The following AGAP1 variants were observed in gnomAD, a reference collection of about 807,000 sequenced individuals.
AGAP1 encodes ArfGAP with GTPase domain, ankyrin repeat and PH domain 1, also known as arf-GAP with GTPase, ANK repeat and PH domain-containing protein 1.
A neutral mutation model predicts 105.3 loss-of-function variants in AGAP1; 29 were observed. That is an observed-to-expected ratio of 0.28 (90% CI 0.21 to 0.38). The LOEUF is 0.38. Ranked by LOEUF, AGAP1 falls within the 10% of genes least tolerant of loss-of-function variation. The pLI is 1.00. For synonymous variants in AGAP1, 509 were observed against 485.9 expected (o/e 1.05, Z -0.63); for missense variants, 998 against 1,165.1 (o/e 0.86, Z 2.09).
At chr2:235,795,608 A>T (rs1021255186) in intron 6 of AGAP1, among the ~76,000 whole-genome samples, 4 of 152,110 alleles carry the variant, frequency 2.6e-5, no homozygotes, top group African/African-American at 9.7e-5. Flanking sequence ...TCTTTCCTTG[A>T]TTTGTGTATG....
chr2:235,565,383 G>C (rs562238724), intron 1 of AGAP1, among the ~76,000 whole-genome samples: 1 of 152,346 alleles, frequency 6.6e-6, no homozygotes, highest in East Asian at 1.9e-4. Flanking sequence ...TGTGGTATCT[G>C]TTTTATAGGA....
chr2:235,830,987 G>A lies in AGAP1; in HGVS notation c.1050+23656G>A, dbSNP rs1046213434. Among the ~76,000 whole-genome samples the A allele has an allele frequency of 1.3e-5, 2 of 151,986 alleles. No homozygotes were observed. Among genetic ancestry groups the A allele is most frequent in the Non-Finnish European group, 2.9e-5 (2 of 68,004 alleles). ...TCACCTGTGTGTCGCAGGTGTAGGC[G>A]ATACCTGGGAAGCCGTTGTACGGGG... On this transcript the variant is annotated intron_variant, in intron 9 of 17. Coordinates refer to ENST00000304032, the MANE Select transcript of AGAP1 (RefSeq NM_001037131.3). This position sits in a 1 kb window ranked among gnomAD's most constrained non-coding sequence, Gnocchi z 5.5.
chr2:236,011,701 T>C (rs897948898), intron 13 of AGAP1, among the ~76,000 whole-genome samples: 3 of 152,214 alleles, frequency 2.0e-5, no homozygotes, highest in Non-Finnish European at 4.4e-5. Flanking sequence ...AGAAACTGTA[T>C]TCCTGAAAGT....
Position 235,631,140 on chromosome 2 carries a change from G to A in AGAP1, c.164-78039G>A, listed in dbSNP as rs1243244200. 6.6e-6 allele frequency among the ~76,000 whole-genome samples: 1 copy of A among 152,158 alleles called. No individual in the cohort carries two copies. The highest frequency in any genetic ancestry group is 2.4e-5 in the African/African-American group (1 of 41,438). On this transcript the variant is annotated intron_variant, in intron 1 of 17. Coordinates refer to ENST00000304032, the MANE Select transcript of AGAP1 (RefSeq NM_001037131.3). This position sits in a 1 kb window ranked among gnomAD's most constrained non-coding sequence, Gnocchi z 5.4. ...GTTACACACTCAGGGAAAATCCACA[G>A]GACGAGGGCTGATGTTAGCAGGGTT... is the stretch of plus-strand genomic sequence containing the variant.
At chr2:235,573,053 TC>T (rs1944612835) in intron 1 of AGAP1, among the ~76,000 whole-genome samples, 2 of 12,308 alleles carry the variant, frequency 1.6e-4, no homozygotes, top group Non-Finnish European at 2.9e-4. Flanking sequence ...TTCTTCTTCT[TC>T]TTCTTCTTTC....
At chr2:235,764,085 CAT>C (rs10606801) in intron 6 of AGAP1, among the ~76,000 whole-genome samples, 29,324 of 152,130 alleles carry the variant, frequency 0.19, 3,053 homozygotes, top group Middle Eastern at 0.3. Context: ...GTGGCTGTGA[CAT>C]GTGGAGGCGA....
chr2:235,536,556 C>T (rs532931051), intron 1 of AGAP1, among the ~76,000 whole-genome samples: 9 of 134,704 alleles, frequency 6.7e-5, no homozygotes, highest in South Asian at 5.0e-4. Flanking sequence ...GCAGGACCCC[C>T]GGGTTTGTGT....
Position 235,721,624 on chromosome 2 carries a change from C to T in AGAP1, c.310+3980C>T, listed in dbSNP as rs1951389851. ...CTCATAGTTCTCAGAAGTCTGAAAT[C>T]AAGGTGTTGACGGGGTTGGTTCCTT... On this transcript the variant is annotated intron_variant, in intron 3 of 17. Coordinates refer to ENST00000304032, the MANE Select transcript of AGAP1 (RefSeq NM_001037131.3). The surrounding 1 kb of genome is among the most constrained non-coding windows in gnomAD (Gnocchi z 4.5). 1.3e-5 allele frequency among the ~76,000 whole-genome samples: 2 copies of T among 152,202 alleles called. No homozygotes were observed. Among genetic ancestry groups the T allele is most frequent in the South Asian group, 4.1e-4 (2 of 4,826 alleles).
intron 16 of AGAP1, among the ~76,000 whole-genome samples, chr2:236,063,914 G>A (rs888084403): frequency 6.6e-6 from 1 of 152,112 alleles, no homozygotes; most frequent in Non-Finnish European, 1.5e-5. Context: ...TCAATTTTAG[G>A]GACCCACTCA....
chr2:235,626,906 G>A (rs1471485110), intron 1 of AGAP1, among the ~76,000 whole-genome samples: 1 of 152,168 alleles, frequency 6.6e-6, no homozygotes, highest in Non-Finnish European at 1.5e-5. Flanking sequence ...TGTGGCCCAT[G>A]GCCTGATCTC....
chr2:236,068,385 T>C (rs1175573985), intron 16 of AGAP1, among the ~76,000 whole-genome samples: 1 of 152,118 alleles, frequency 6.6e-6, no homozygotes, highest in Non-Finnish European at 1.5e-5. Context: ...CAACTCCCTC[T>C]CCTCTCCTCT....
chr2:235,643,206 G>T (rs1947255786), intron 1 of AGAP1, among the ~76,000 whole-genome samples: 2 of 151,998 alleles, frequency 1.3e-5, no homozygotes, highest in Admixed American at 6.6e-5. Context: ...GCCGAGGCGG[G>T]TGGATCACGA....
rs909262648 is a variant in AGAP1, at chr2:235,557,834, C to G, written c.163+62985C>G. 3.2e-4 allele frequency among the ~76,000 whole-genome samples: 48 copies of G among 152,306 alleles called. No homozygotes were observed. The highest frequency in any genetic ancestry group is 1.0e-3 in the African/African-American group (43 of 41,558). ...TACATTTCGACAAGGGGAAGTTAGACACTTTAGATTCACAGTTAACTGTTG... is the reference window on the plus strand; with the variant it reads ...TACATTTCGACAAGGGGAAGTTAGAGACTTTAGATTCACAGTTAACTGTTG... On this transcript the variant is annotated intron_variant, in intron 1 of 17. Coordinates refer to ENST00000304032, the MANE Select transcript of AGAP1 (RefSeq NM_001037131.3). This position sits in a 1 kb window ranked among gnomAD's most constrained non-coding sequence, Gnocchi z 4.7.
intron 13 of AGAP1, among the ~76,000 whole-genome samples, chr2:235,969,969 AG>A (rs532920611): frequency 6.6e-6 from 1 of 152,266 alleles, no homozygotes; most frequent in South Asian, 2.1e-4. Flanking sequence ...TGGGAGGCCA[AG>A]GCAGGAAGAT....
chr2:235,529,052 C>G (rs1163215769), intron 1 of AGAP1, among the ~76,000 whole-genome samples: 1 of 152,190 alleles, frequency 6.6e-6, no homozygotes, highest in East Asian at 1.9e-4. Flanking sequence ...TTCTCTCTTT[C>G]TGAGAGCCAC....
At position 235,728,350 on chromosome 2, in the gene AGAP1, T is replaced by C. The variant is rs2149596053; in HGVS notation, c.310+10706T>C. 6.6e-6 allele frequency among the ~76,000 whole-genome samples: 1 copy of C among 150,660 alleles called. No homozygotes were observed. Among genetic ancestry groups the C allele is most frequent in the African/African-American group, 2.5e-5 (1 of 40,272 alleles). ...GTGCGTGCTCTTAAATCAATGTAAATTAGGCTATATACAGCTGCCAATAAT... is the reference window on the plus strand; with the variant it reads ...GTGCGTGCTCTTAAATCAATGTAAACTAGGCTATATACAGCTGCCAATAAT... On this transcript the variant is annotated intron_variant, in intron 3 of 17. Coordinates refer to ENST00000304032, the MANE Select transcript of AGAP1 (RefSeq NM_001037131.3). The surrounding 1 kb of genome is among the most constrained non-coding windows in gnomAD (Gnocchi z 4.3).
chr2:236,021,546 C>T (rs946312857), intron 13 of AGAP1, among the ~76,000 whole-genome samples: 8 of 152,092 alleles, frequency 5.3e-5, no homozygotes, highest in African/African-American at 1.9e-4. Context: ...AAACAGTTAC[C>T]GCTTAGTAAC....
rs1240959049 is a variant in AGAP1 at position 236,036,399 on chromosome 2, T to G, written c.1646-162T>G. The stretch of plus-strand genomic sequence containing the variant: ...GAACCACATCTGGACTGTTGGGAGG[T>G]GCATGGATTCAAATCTCCGCCGCCG... On this transcript the variant is annotated intron_variant, in intron 13 of 17. Transcript: ENST00000304032. This position sits in a 1 kb window ranked among gnomAD's most constrained non-coding sequence, Gnocchi z 5.7. Among the ~76,000 whole-genome samples the G allele has an allele frequency of 6.6e-6, 1 of 152,016 alleles. No individual in the cohort carries two copies. The highest frequency in any genetic ancestry group is 1.5e-5 in the Non-Finnish European group (1 of 68,030).
chr2:236,045,699 C>T lies in AGAP1; in HGVS notation c.1892-3360C>T, dbSNP rs929470147. On this transcript the variant is annotated intron_variant, in intron 15 of 17. Coordinates refer to ENST00000304032, the MANE Select transcript of AGAP1 (RefSeq NM_001037131.3). This position sits in a 1 kb window ranked among gnomAD's most constrained non-coding sequence, Gnocchi z 6.9. ...CAGGAGGCTGGGATCAGCCACAGGC[C>T]GAGGTTCTCCACCCAGGCCGAGACA... 1.2e-4 allele frequency among the ~76,000 whole-genome samples: 19 copies of T among 152,224 alleles called. No individual in the cohort carries two copies. The highest frequency in any genetic ancestry group is 4.6e-4 in the African/African-American group (19 of 41,456).
Sources: allele counts gnomAD v4.1 joint callset (sites outside exome capture counted in the v4.1 genomes callset), GRCh38; gene constraint gnomAD v4.1.1; non-coding constraint Gnocchi (gnomAD v3.1); transcripts MANE v1.5; gene names NCBI Gene and HGNC (gene_info 2026-07-23, HGNC 2026-07-21).